NR2F1-AS1: variants seen among roughly 807,000 people sequenced by gnomAD.
NR2F1-AS1 encodes NR2F1 regulatory antisense RNA 1, also known as NR2F1 antisense RNA 1.
At chr5:93,575,856 T>C (rs1342724671) in intron 1 of NR2F1-AS1, among the ~76,000 whole-genome samples, 4 of 152,196 alleles carry the variant, frequency 2.6e-5, no homozygotes, top group African/African-American at 9.7e-5. Flanking sequence ...TACTTATGCA[T>C]GAGGGTAAAA....
At chr5:93,468,205 T>C (rs1414371606) in intron 4 of NR2F1-AS1, among the ~76,000 whole-genome samples, 1 of 152,206 alleles carries the variant, frequency 6.6e-6, no homozygotes, top group Admixed American at 6.5e-5. Flanking sequence ...GTATTTCTAG[T>C]TCTAGATCCT....
rs1752964846 is a variant in NR2F1-AS1, at chr5:93,579,272, A to T, written n.313+1195T>A. ...GCCGCGGGCTTCCGCTGCTCCGGGC[A>T]TCACCACCAACAGCTTCCCACTCCC... On this transcript the variant is annotated intron_variant and non_coding_transcript_variant, in intron 1 of 5. Coordinates refer to ENST00000660523, the Ensembl canonical transcript of NR2F1-AS1. The surrounding 1 kb of genome is among the most constrained non-coding windows in gnomAD (Gnocchi z 5.1). Among the ~76,000 whole-genome samples the T allele has an allele frequency of 6.6e-6, 1 of 152,092 alleles. No individual in the cohort carries two copies. Among genetic ancestry groups the T allele is most frequent in the Non-Finnish European group, 1.5e-5 (1 of 68,002 alleles).
At chr5:93,578,797 G>C (rs1350387016) in intron 1 of NR2F1-AS1, among the ~76,000 whole-genome samples, 2 of 152,214 alleles carry the variant, frequency 1.3e-5, no homozygotes, top group African/African-American at 2.4e-5. Context: ...TTCCCAATTG[G>C]GGGATCTAAG....
chr5:93,442,956 C>G (rs1046673356), intron 4 of NR2F1-AS1, among the ~76,000 whole-genome samples: 2 of 152,210 alleles, frequency 1.3e-5, no homozygotes, highest in African/African-American at 4.8e-5. Flanking sequence ...CCAGCAAACT[C>G]CAACAGACCT....
chr5:93,505,552 T>A (rs1327824966), intron 4 of NR2F1-AS1, among the ~76,000 whole-genome samples: 1 of 152,202 alleles, frequency 6.6e-6, no homozygotes, highest in African/African-American at 2.4e-5. Context: ...TTTCCACACA[T>A]CTTCTGAAAT....
chr5:93,579,500 G>A lies in NR2F1-AS1; in HGVS notation n.313+967C>T, dbSNP rs1478624867. Among the ~76,000 whole-genome samples the A allele has an allele frequency of 1.3e-5, 2 of 152,174 alleles. No individual in the cohort carries two copies. The highest frequency in any genetic ancestry group is 6.5e-5 in the Admixed American group (1 of 15,290). Reference sequence around the variant, plus strand: ...GGTGGGCGCCTCTGCTCCCGGGCAGGCTCAGCTGTCATCCCGTCTCGCCTT... The same window carrying A: ...GGTGGGCGCCTCTGCTCCCGGGCAGACTCAGCTGTCATCCCGTCTCGCCTT... On this transcript the variant is annotated intron_variant and non_coding_transcript_variant, in intron 1 of 5. Coordinates refer to ENST00000660523, the Ensembl canonical transcript of NR2F1-AS1. The surrounding 1 kb of genome is among the most constrained non-coding windows in gnomAD (Gnocchi z 5.1).
chr5:93,473,470 T>C (rs1412609437), intron 4 of NR2F1-AS1, among the ~76,000 whole-genome samples: 1 of 151,814 alleles, frequency 6.6e-6, no homozygotes, highest in Admixed American at 6.6e-5. Context: ...TCCCGTTGCC[T>C]CACAAGTATA....
At chr5:93,480,632 C>T (rs969314303) in intron 4 of NR2F1-AS1, among the ~76,000 whole-genome samples, 1 of 151,898 alleles carries the variant, frequency 6.6e-6, no homozygotes, top group Non-Finnish European at 1.5e-5. Context: ...ATGTAATTTC[C>T]CTTTTCATTT....
At chr5:93,581,989 T>C (rs1753101311), upstream of NR2F1-AS1, among the ~76,000 whole-genome samples, 2 of 100,984 alleles carry the variant, frequency 2.0e-5, no homozygotes, top group South Asian at 4.2e-4. Flanking sequence ...TCTCTCTCTC[T>C]CCCCTCTCCT....
rs1455312892 is a variant in NR2F1-AS1 at position 93,536,434 on chromosome 5, A to C, written n.638+17327T>G. Among the ~76,000 whole-genome samples the C allele has an allele frequency of 2.6e-5, 4 of 152,318 alleles. No homozygotes were observed. The East Asian group carries it at 7.7e-4, about 29-fold the overall frequency. ...CATTTTTCATGGAAATAGAAAAAAA[A>C]ATCCTGAAATTCATACAGAATCACA... is the stretch of plus-strand genomic sequence containing the variant. On this transcript the variant is annotated intron_variant and non_coding_transcript_variant, in intron 4 of 5. Transcript: ENST00000660523.
chr5:93,481,372 G>A (rs1269087502), intron 4 of NR2F1-AS1, among the ~76,000 whole-genome samples: 4 of 151,958 alleles, frequency 2.6e-5, no homozygotes, highest in South Asian at 2.1e-4. Context: ...AATATATAAA[G>A]TAAATAGTGA....
chr5:93,561,955 T>C (rs745434624), intron 2 of NR2F1-AS1, among the ~76,000 whole-genome samples: 4 of 152,024 alleles, frequency 2.6e-5, no homozygotes, highest in Non-Finnish European at 4.4e-5. Flanking sequence ...AAAACAATGT[T>C]ATTTGCAAGG....
intron 4 of NR2F1-AS1, among the ~76,000 whole-genome samples, chr5:93,499,658 C>A (rs1195366513): frequency 1.3e-5 from 2 of 152,128 alleles, no homozygotes; most frequent in Non-Finnish European, 2.9e-5. Flanking sequence ...ATGAATAACC[C>A]TACAATGGCC....
At chr5:93,512,737 T>C (rs1428177100) in intron 4 of NR2F1-AS1, among the ~76,000 whole-genome samples, 1 of 152,166 alleles carries the variant, frequency 6.6e-6, no homozygotes, top group Non-Finnish European at 1.5e-5. Context: ...ACACAAATAA[T>C]TACCATTGTG....
At chr5:93,517,871 G>A (rs192884470) in intron 4 of NR2F1-AS1, among the ~76,000 whole-genome samples, 94 of 152,144 alleles carry the variant, frequency 6.2e-4, no homozygotes, top group Non-Finnish European at 1.6e-4. Context: ...GACTATGTGG[G>A]TGACCTATTA....
chr5:93,431,960 C>CT (rs916126944), intron 4 of NR2F1-AS1, among the ~76,000 whole-genome samples: 48 of 152,266 alleles, frequency 3.2e-4, no homozygotes, highest in African/African-American at 1.1e-3. Flanking sequence ...TTCTGATCTT[C>CT]TTTAAAATAC....
intron 4 of NR2F1-AS1, among the ~76,000 whole-genome samples, chr5:93,508,003 T>C (rs1300206890): frequency 6.6e-6 from 1 of 152,130 alleles, no homozygotes; most frequent in Admixed American, 6.5e-5. Context: ...ATATACCATG[T>C]TGGTAGATGA....
chr5:93,561,517 A>T (rs1037892911), intron 2 of NR2F1-AS1, among the ~76,000 whole-genome samples: 1 of 152,186 alleles, frequency 6.6e-6, no homozygotes, highest in African/African-American at 2.4e-5. Context: ...TCACACCTGT[A>T]ATCCCAGCAC....
intron 1 of NR2F1-AS1, among the ~76,000 whole-genome samples, chr5:93,564,893 C>T (rs1752580584): frequency 6.6e-6 from 1 of 152,044 alleles, no homozygotes; most frequent in African/African-American, 2.4e-5. Context: ...CCAGGAAAGT[C>T]CAGAAAATAC....
Sources: gnomAD v4.1 joint callset for allele counts (sites outside exome capture counted in the v4.1 genomes callset) on GRCh38, gnomAD v4.1.1 for gene constraint, Gnocchi (gnomAD v3.1) non-coding constraint, MANE v1.5 for transcripts, NCBI Gene and HGNC (gene_info 2026-07-23, HGNC 2026-07-21) for gene names.